DKK2: variants seen among roughly 807,000 people sequenced by gnomAD.
DKK2 encodes dickkopf Wnt signaling pathway inhibitor 2, also known as dickkopf-related protein 2.
Under a neutral mutation model 28.1 loss-of-function variants are expected in DKK2, and 11 were observed. That is an observed-to-expected ratio of 0.39 (90% CI 0.25 to 0.65). The LOEUF (loss-of-function observed/expected upper bound fraction) is 0.65, where lower values mean the gene tolerates loss of function less well. Ranked by LOEUF, DKK2 falls within the 30% of genes least tolerant of loss-of-function variation. The pLI is 0.47. For synonymous variants in DKK2, 135 were observed against 126.5 expected, an observed-to-expected ratio of 1.07 and a Z score of -0.45; for missense variants, 326 against 335.5, an observed-to-expected ratio of 0.97 and a Z score of 0.22.
intron 1 of DKK2, among the ~76,000 whole-genome samples, chr4:106,954,399 A>G (rs1324759981): frequency 2.0e-5 from 3 of 152,226 alleles, no homozygotes; most frequent in Non-Finnish European, 2.9e-5. Flanking sequence ...AGCCTAGGAA[A>G]TAAGAGAGGA....
chr4:106,935,497 G>A (rs915052468), intron 1 of DKK2, among the ~76,000 whole-genome samples: 1 of 152,224 alleles, frequency 6.6e-6, no homozygotes, highest in Non-Finnish European at 1.5e-5. Flanking sequence ...TGCTAGCACA[G>A]CAGTCTGAGA....
chr4:107,011,103 T>G (rs1031565797), intron 1 of DKK2, among the ~76,000 whole-genome samples: 2 of 151,270 alleles, frequency 1.3e-5, no homozygotes, highest in Admixed American at 1.3e-4. Context: ...AGGGGAGGAG[T>G]ATTTTAATAG....
At chr4:106,940,228 T>C (rs904814160) in intron 1 of DKK2, among the ~76,000 whole-genome samples, 3 of 151,978 alleles carry the variant, frequency 2.0e-5, no homozygotes, top group Admixed American at 2.0e-4. Context: ...AGGGCTAATA[T>C]CCAGAATCTA....
At chr4:106,939,007 A>G (rs1724646717) in intron 1 of DKK2, among the ~76,000 whole-genome samples, 1 of 152,136 alleles carries the variant, frequency 6.6e-6, no homozygotes, top group Non-Finnish European at 1.5e-5. Flanking sequence ...CCAATATCAT[A>G]CTGAATGGGC....
At chr4:107,013,705 T>G (rs774107130) in intron 1 of DKK2, among the ~76,000 whole-genome samples, 1 of 151,280 alleles carries the variant, frequency 6.6e-6, no homozygotes, top group Non-Finnish European at 1.5e-5. Flanking sequence ...TGCATCAAAC[T>G]AAAAAGCTTC....
intron 3 of DKK2, 68 bp from the exon 4 acceptor site, chr4:106,924,272 A>G (rs1724393248): frequency 1.9e-6 from 3 of 1,558,970 alleles, no homozygotes; most frequent in Non-Finnish European, 2.6e-6. Context: ...TTTTGCAATC[A>G]GAAGCACATA....
At chr4:106,994,329 C>G (rs937678884) in intron 1 of DKK2, among the ~76,000 whole-genome samples, 1 of 152,176 alleles carries the variant, frequency 6.6e-6, no homozygotes, top group Admixed American at 6.5e-5. Flanking sequence ...CTTACATTCA[C>G]TTGACATAAT....
chr4:106,964,974 TA>T (rs1314569702), intron 1 of DKK2, among the ~76,000 whole-genome samples: 1 of 144,842 alleles, frequency 6.9e-6, no homozygotes, highest in Non-Finnish European at 1.5e-5. Flanking sequence ...GATAGATAGA[TA>T]GATAGATAGA....
At chr4:107,005,340 CAAAAAA>C (rs35333301) in intron 1 of DKK2, among the ~76,000 whole-genome samples, 6 of 72,472 alleles carry the variant, frequency 8.3e-5, no homozygotes, top group Middle Eastern at 8.6e-3. Flanking sequence ...GACTTGGTCT[CAAAAAA>C]AAAAAAAAAA....
intron 1 of DKK2, among the ~76,000 whole-genome samples, chr4:106,931,154 A>AG (rs962401708): frequency 2.6e-5 from 4 of 152,044 alleles, no homozygotes; most frequent in Non-Finnish European, 4.4e-5. Flanking sequence ...TATTACCTCT[A>AG]GGGGATAAGG....
At chr4:107,016,410 C>CT (rs1319770636) in intron 1 of DKK2, among the ~76,000 whole-genome samples, 1 of 151,854 alleles carries the variant, frequency 6.6e-6, no homozygotes, top group African/African-American at 2.4e-5. Flanking sequence ...AATACCAATT[C>CT]TTTTTAATGT....
At chr4:106,949,611 C>G (rs1263920983) in intron 1 of DKK2, among the ~76,000 whole-genome samples, 1 of 152,150 alleles carries the variant, frequency 6.6e-6, no homozygotes, top group Non-Finnish European at 1.5e-5. Context: ...ACCATCAATT[C>G]AGATGTAGCT....
At chr4:106,982,775 T>C (rs756976662) in intron 1 of DKK2, among the ~76,000 whole-genome samples, 21 of 150,326 alleles carry the variant, frequency 1.4e-4, no homozygotes, top group Non-Finnish European at 2.7e-4. Flanking sequence ...CATAGTGAAA[T>C]GCACCTGTAA....
intron 1 of DKK2, among the ~76,000 whole-genome samples, chr4:107,028,553 G>A (rs1211673352): frequency 1.3e-5 from 2 of 151,734 alleles, no homozygotes; most frequent in African/African-American, 4.8e-5. Flanking sequence ...CCTATTTTAT[G>A]GGTATACTAA....
intron 1 of DKK2, among the ~76,000 whole-genome samples, chr4:107,014,699 T>G (rs1723566394): frequency 1.3e-5 from 2 of 151,638 alleles, no homozygotes; most frequent in African/African-American, 4.8e-5. Flanking sequence ...ATATGCTAAA[T>G]GCCCTGATTT....
chr4:106,942,880 CA>C (rs569956810), intron 1 of DKK2, among the ~76,000 whole-genome samples: 10 of 151,998 alleles, frequency 6.6e-5, no homozygotes, highest in Non-Finnish European at 1.5e-4. Context: ...ATCTACATTA[CA>C]AATAAGACTA....
chr4:106,959,839 A>T (rs1056876219), intron 1 of DKK2, among the ~76,000 whole-genome samples: 5 of 152,046 alleles, frequency 3.3e-5, no homozygotes. Flanking sequence ...GCTTATACAC[A>T]ATGAAGTTCA....
intron 1 of DKK2, among the ~76,000 whole-genome samples, chr4:107,001,564 C>T (rs1723359722): frequency 6.6e-6 from 1 of 152,128 alleles, no homozygotes; most frequent in South Asian, 2.1e-4. Context: ...TCTTTAAATA[C>T]ATTTAAAGTT....
chr4:106,993,851 C>T (rs1334430088), intron 1 of DKK2, among the ~76,000 whole-genome samples: 1 of 152,114 alleles, frequency 6.6e-6, no homozygotes, highest in Non-Finnish European at 1.5e-5. Flanking sequence ...ATGTTTCATG[C>T]AACATTGCTA....
Sources: gnomAD v4.1 joint callset for allele counts (sites outside exome capture counted in the v4.1 genomes callset) on GRCh38, gnomAD v4.1.1 for gene constraint, MANE v1.5 for transcripts, NCBI Gene and HGNC (gene_info 2026-07-23, HGNC 2026-07-21) for gene names.